ABHD2: variants seen among roughly 807,000 people sequenced by gnomAD.
ABHD2 encodes monoacylglycerol lipase ABHD2.
A neutral mutation model predicts 48.1 loss-of-function variants in ABHD2; 20 were observed. The ratio of observed to expected loss-of-function variants is 0.42; its 90% CI spans 0.29 to 0.60. The LOEUF (loss-of-function observed/expected upper bound fraction) is 0.60, where lower values mean the gene tolerates loss of function less well. Ranked by LOEUF, ABHD2 falls within the 20% of genes least tolerant of loss-of-function variation. ABHD2 has a pLI of 0.24. For synonymous variants in ABHD2, 209 were observed against 214.2 expected (o/e 0.98, Z 0.21); for missense variants, 405 against 550.9 (o/e 0.74, Z 2.65).
chr15:89,180,955 C>G (rs571740847), intron 6 of ABHD2, among the ~76,000 whole-genome samples: 2 of 152,048 alleles, frequency 1.3e-5, no homozygotes. Context: ...GGGCCGGGTG[C>G]GGTGGCTCAC....
chr15:89,085,556 C>T (rs545845834), upstream of ABHD2, among the ~76,000 whole-genome samples: 14 of 152,118 alleles, frequency 9.2e-5, no homozygotes, highest in East Asian at 1.9e-4. The surrounding 1 kb of genome is among the most constrained non-coding windows in gnomAD (Gnocchi z 4.2). Context: ...AGAAGATGCC[C>T]GGATCCTTTT....
At chr15:89,072,521 C>T in the ABHD2 span, among the ~76,000 whole-genome samples, 2 of 114,016 alleles carry the variant, frequency 1.8e-5, no homozygotes, top group Admixed American at 2.4e-4. Flanking sequence ...GAAGGATGAG[C>T]AGGAGGGGGA....
At chr15:89,041,177 G>A in the ABHD2 span, 1 of 152,264 alleles carries the variant, frequency 6.6e-6, no homozygotes, top group African/African-American at 2.4e-5. Flanking sequence ...TTCCAGTGAC[G>A]TGAGTGTGCC....
the ABHD2 span, among the ~76,000 whole-genome samples, chr15:89,042,464 A>C: frequency 2.0e-5 from 3 of 152,204 alleles, no homozygotes; most frequent in African/African-American, 7.2e-5. Context: ...CCTCCGTCTT[A>C]TCTCTTCTAA....
At chr15:89,056,553 G>C in the ABHD2 span, among the ~76,000 whole-genome samples, 4 of 152,144 alleles carry the variant, frequency 2.6e-5, no homozygotes, top group African/African-American at 9.7e-5. Flanking sequence ...TGAGGCAGGA[G>C]AATGACGTGA....
At chr15:89,068,902 G>A in the ABHD2 span, among the ~76,000 whole-genome samples, 1 of 150,294 alleles carries the variant, frequency 6.7e-6, no homozygotes, top group Non-Finnish European at 1.5e-5. Flanking sequence ...CTGAGTAGCT[G>A]GGACTACAGG....
In ABHD2 at chr15:89,146,819, G is replaced by A. The variant is rs1567090084; in HGVS notation, c.195-4858G>A. On this transcript the variant is annotated intron_variant, in intron 3 of 10. Transcript: ENST00000352732. The surrounding 1 kb of genome is among the most constrained non-coding windows in gnomAD (Gnocchi z 4.2). ...AATGGAGAGATGTACCATGTTTTTG[G>A]ATGGGACACATCAGTATTGTAAAGG... is the stretch of plus-strand genomic sequence containing the variant. Among the ~76,000 whole-genome samples, 2 of 152,258 alleles carry A rather than the reference G, an allele frequency of 1.3e-5. No homozygotes were observed. Among genetic ancestry groups the A allele is most frequent in the Non-Finnish European group, 2.9e-5 (2 of 68,020 alleles).
At position 89,114,295 on chromosome 15, in the gene ABHD2, A is replaced by G. The variant is rs1038116648; in HGVS notation, c.-7+471A>G. Among the ~76,000 whole-genome samples the G allele has an allele frequency of 2.0e-5, 3 of 152,160 alleles. No individual in the cohort carries two copies. Among genetic ancestry groups the G allele is most frequent in the Admixed American group, 2.0e-4 (3 of 15,282 alleles). ...GATTAAAGCTGCGAACCCTCTGCCCAGAAAACTGCTCATGTGCACAAACTT... is the reference window on the plus strand; with the variant it reads ...GATTAAAGCTGCGAACCCTCTGCCCGGAAAACTGCTCATGTGCACAAACTT... On this transcript the variant is annotated intron_variant, in intron 2 of 10. Coordinates refer to ENST00000352732, the MANE Select transcript of ABHD2 (RefSeq NM_152924.5). The surrounding 1 kb of genome is among the most constrained non-coding windows in gnomAD (Gnocchi z 4.2).
the ABHD2 span, among the ~76,000 whole-genome samples, chr15:89,079,671 T>C: frequency 6.6e-6 from 1 of 152,200 alleles, no homozygotes; most frequent in East Asian, 1.9e-4. This position sits in a 1 kb window ranked among gnomAD's most constrained non-coding sequence, Gnocchi z 4.3. Context: ...CTTTGGAAAT[T>C]GTTTTATGGG....
At chr15:89,055,114 C>T in the ABHD2 span, among the ~76,000 whole-genome samples, 3 of 152,222 alleles carry the variant, frequency 2.0e-5, no homozygotes, top group African/African-American at 7.2e-5. Flanking sequence ...AGGAGGATCA[C>T]TTGAGCCCAG....
chr15:89,167,371 G>A lies in ABHD2; in HGVS notation c.539-8441G>A, dbSNP rs749765456. On this transcript the variant is annotated intron_variant, in intron 5 of 10. Coordinates refer to ENST00000352732, the MANE Select transcript of ABHD2 (RefSeq NM_152924.5). This position sits in a 1 kb window ranked among gnomAD's most constrained non-coding sequence, Gnocchi z 5.5. ...GAGGAGGAAGAGATGGGTGAAGGGA[G>A]AGAGAGAATGTGAAAGTGAAGGTAG... 6.6e-6 allele frequency among the ~76,000 whole-genome samples: 1 copy of A among 152,176 alleles called. No homozygotes were observed. The highest frequency in any genetic ancestry group is 1.5e-5 in the Non-Finnish European group (1 of 68,036).
chr15:89,102,753 C>G lies in ABHD2; in HGVS notation c.-106-10972C>G, dbSNP rs1044585003. ...CCTGAGGAGTGAGTGGCGTAGCTAT[C>G]TGCTTCATGTGGGGCGCTCCTGCTC... On this transcript the variant is annotated intron_variant, in intron 1 of 10. Coordinates refer to ENST00000352732, the MANE Select transcript of ABHD2 (RefSeq NM_152924.5). This position sits in a 1 kb window ranked among gnomAD's most constrained non-coding sequence, Gnocchi z 4.8. 6.6e-6 allele frequency among the ~76,000 whole-genome samples: 1 copy of G among 152,256 alleles called. No individual in the cohort carries two copies. The highest frequency in any genetic ancestry group is 1.5e-5 in the Non-Finnish European group (1 of 68,040).
At chr15:89,042,546 C>A in the ABHD2 span, among the ~76,000 whole-genome samples, 15 of 151,648 alleles carry the variant, frequency 9.9e-5, no homozygotes, top group African/African-American at 3.6e-4. Context: ...GAAATTTATA[C>A]CTTCTCTCTT....
At chr15:89,119,188 G>A (rs2050008830) in intron 3 of ABHD2, among the ~76,000 whole-genome samples, 1 of 152,164 alleles carries the variant, frequency 6.6e-6, no homozygotes, top group African/African-American at 2.4e-5. Flanking sequence ...AAATTCTCCA[G>A]AACCAATTTC....
At chr15:89,045,499 C>T in the ABHD2 span, among the ~76,000 whole-genome samples, 1 of 152,148 alleles carries the variant, frequency 6.6e-6, no homozygotes, top group Non-Finnish European at 1.5e-5. Flanking sequence ...GCAGTATGGC[C>T]ATTTTCACAA....
chr15:89,079,904 G>C, the ABHD2 span, among the ~76,000 whole-genome samples: 1 of 152,212 alleles, frequency 6.6e-6, no homozygotes, highest in African/African-American at 2.4e-5. The surrounding 1 kb of genome is among the most constrained non-coding windows in gnomAD (Gnocchi z 4.3). Flanking sequence ...GCGGCTGCCA[G>C]CATTTCTCAT....
chr15:89,067,375 T>G, the ABHD2 span, among the ~76,000 whole-genome samples: 1 of 152,214 alleles, frequency 6.6e-6, no homozygotes, highest in Non-Finnish European at 1.5e-5. Context: ...CATGTTCTTC[T>G]AGTTTAAGTT....
the ABHD2 span, among the ~76,000 whole-genome samples, chr15:89,064,597 A>C: frequency 6.6e-5 from 10 of 152,056 alleles, no homozygotes; most frequent in African/African-American, 2.4e-4. Context: ...TGCTTTTTCC[A>C]CTTAATATAT....
At chr15:89,111,505 T>C (rs1268656498) in intron 1 of ABHD2, among the ~76,000 whole-genome samples, 1 of 152,202 alleles carries the variant, frequency 6.6e-6, no homozygotes, top group Non-Finnish European at 1.5e-5. Flanking sequence ...CCTGCTGTCA[T>C]CTTAATGGGG....
Sources: gnomAD v4.1 joint callset for allele counts (sites outside exome capture counted in the v4.1 genomes callset) on GRCh38, gnomAD v4.1.1 for gene constraint, Gnocchi (gnomAD v3.1) non-coding constraint, MANE v1.5 for transcripts, NCBI Gene and HGNC (gene_info 2026-07-23, HGNC 2026-07-21) for gene names.